Variants in NRG1 observed in about 807,000 individuals in gnomAD.
NRG1 encodes the protein neuregulin 1, also known as pro-neuregulin-1, membrane-bound isoform.
A neutral mutation model predicts 63.8 loss-of-function variants in NRG1; 18 were observed. The ratio of observed to expected loss-of-function variants is 0.28; its 90% confidence interval spans 0.19 to 0.42. NRG1 has a LOEUF of 0.42. Ranked by LOEUF, NRG1 falls within the 10% of genes least tolerant of loss-of-function variation. NRG1 has a pLI of 1.00. For missense variants in NRG1, 762 were observed against 814.7 expected, an observed-to-expected ratio of 0.94 and a Z score of 0.79; for synonymous variants, 302 against 301.3, an observed-to-expected ratio of 1.00 and a Z score of -0.02.
In NRG1 at chr8:32,541,249, T is replaced by C. The variant is rs530956084; in HGVS notation, c.38-54579T>C. 3.9e-5 allele frequency among the ~76,000 whole-genome samples: 6 copies of C among 152,126 alleles called. No individual in the cohort carries two copies. In the East Asian group the frequency reaches 1.2e-3, roughly 29 times the overall value. The stretch of plus-strand genomic sequence containing the variant: ...ATATATGAAGTATTGCACTCTAACA[T>C]GAGGAGGAACTGAAGAAAAGGGAGG... On this transcript the variant is annotated intron_variant, in intron 1 of 10. Transcript: ENST00000519301.
At chr8:31,957,258 C>A (rs887496492) in intron 1 of NRG1, among the ~76,000 whole-genome samples, 2 of 150,936 alleles carry the variant, frequency 1.3e-5, no homozygotes, top group Admixed American at 6.6e-5. Flanking sequence ...TGAAATGAGA[C>A]CTAGAAGCAA....
chr8:31,778,820 T>G (rs1586348830), intron 1 of NRG1, among the ~76,000 whole-genome samples: 1 of 152,314 alleles, frequency 6.6e-6, no homozygotes, highest in East Asian at 1.9e-4. Flanking sequence ...TCACTACCCC[T>G]AAAACAGTGC....
At chr8:32,190,302 C>A (rs1385749892) in intron 1 of NRG1, among the ~76,000 whole-genome samples, 2 of 152,006 alleles carry the variant, frequency 1.3e-5, no homozygotes, top group Non-Finnish European at 2.9e-5. Context: ...AACTGCCCAA[C>A]AGACTTCAAG....
chr8:32,466,181 G>T (rs1313466005), intron 1 of NRG1, among the ~76,000 whole-genome samples: 7 of 152,032 alleles, frequency 4.6e-5, no homozygotes, highest in African/African-American at 9.7e-5. Context: ...AAGTAAATTA[G>T]CCAGGCATAG....
At chr8:31,993,261 C>T (rs1425024013) in intron 1 of NRG1, among the ~76,000 whole-genome samples, 1 of 151,920 alleles carries the variant, frequency 6.6e-6, no homozygotes, top group Non-Finnish European at 1.5e-5. Context: ...CAGCAGAGGA[C>T]CAAAGGCATC....
At chr8:32,587,339 G>T (rs1436653165) in intron 1 of NRG1, among the ~76,000 whole-genome samples, 1 of 152,198 alleles carries the variant, frequency 6.6e-6, no homozygotes, top group African/African-American at 2.4e-5. Context: ...AACATGACCA[G>T]GGTCTCGGCT....
intron 1 of NRG1, among the ~76,000 whole-genome samples, chr8:32,577,439 A>G (rs1392819986): frequency 6.6e-6 from 1 of 152,200 alleles, no homozygotes; most frequent in East Asian, 1.9e-4. Flanking sequence ...TGCCACAGAC[A>G]TTTCTGCTGT....
intron 1 of NRG1, among the ~76,000 whole-genome samples, chr8:32,371,787 A>G (rs1808895486): frequency 6.6e-6 from 1 of 152,144 alleles, no homozygotes; most frequent in Admixed American, 6.5e-5. Context: ...AAATCAGAAC[A>G]TTAGGACCTG....
intron 1 of NRG1, among the ~76,000 whole-genome samples, chr8:32,423,059 T>C (rs953508427): frequency 1.2e-4 from 18 of 152,200 alleles, no homozygotes; most frequent in African/African-American, 3.9e-4. Flanking sequence ...AGAGAGATTG[T>C]TCTGGTCCAA....
At chr8:32,502,959 A>G (rs1828040361) in intron 1 of NRG1, among the ~76,000 whole-genome samples, 1 of 152,136 alleles carries the variant, frequency 6.6e-6, no homozygotes, top group African/African-American at 2.4e-5. Flanking sequence ...GTTTATTAAC[A>G]GATCCAAATA....
At position 32,646,749 on chromosome 8, in the gene NRG1, C is replaced by T. The variant is rs534539063; in HGVS notation, c.502+29864C>T. ...GGGGACTAGGCTTAACTGATGCCTG[C>T]CTGCCTCTCTTTGATTTGATGGCCT... On this transcript the variant is annotated intron_variant, in intron 5 of 11. Coordinates refer to ENST00000356819, the Ensembl canonical transcript of NRG1. 19 of 985,338 alleles carry T rather than the reference C, an allele frequency of 1.9e-5. No individual in the cohort carries two copies. In the South Asian group the frequency reaches 8.5e-4, roughly 44 times the overall value. 61.0% of individuals were successfully genotyped at this position (985,338 alleles called of 1,614,324 possible). A position where few individuals can be genotyped will look rare whatever the true frequency, so the allele number is the denominator to read the frequency against.
intron 1 of NRG1, among the ~76,000 whole-genome samples, chr8:31,898,415 A>C (rs951135458): frequency 5.3e-5 from 8 of 152,208 alleles, no homozygotes; most frequent in Non-Finnish European, 1.2e-4. Flanking sequence ...TGTTTTAAAG[A>C]TAGAGAAACT....
At chr8:31,948,921 A>G (rs1238066294) in intron 1 of NRG1, among the ~76,000 whole-genome samples, 1 of 152,200 alleles carries the variant, frequency 6.6e-6, no homozygotes, top group African/African-American at 2.4e-5. Flanking sequence ...TCTTCTGGCT[A>G]TTAGAATGCG....
intron 1 of NRG1, among the ~76,000 whole-genome samples, chr8:32,247,026 A>T (rs1848649178): frequency 6.6e-6 from 1 of 152,138 alleles, no homozygotes; most frequent in African/African-American, 2.4e-5. Flanking sequence ...CAATTTAATT[A>T]TTCCACATGG....
At chr8:32,027,991 T>A (rs985042931) in intron 1 of NRG1, among the ~76,000 whole-genome samples, 1 of 152,234 alleles carries the variant, frequency 6.6e-6, no homozygotes, top group Non-Finnish European at 1.5e-5. Context: ...AAAGTTTCAT[T>A]TATTTTTCCC....
At chr8:32,252,197 T>C (rs374700257) in intron 1 of NRG1, among the ~76,000 whole-genome samples, 9 of 152,338 alleles carry the variant, frequency 5.9e-5, no homozygotes, top group South Asian at 4.1e-4. Context: ...CTCTTTAGTT[T>C]AATTAGATCC....
At chr8:32,737,312 G>A (rs1362328220) in intron 6 of NRG1, among the ~76,000 whole-genome samples, 1 of 152,098 alleles carries the variant, frequency 6.6e-6, no homozygotes, top group Non-Finnish European at 1.5e-5. Flanking sequence ...CACTTTGCGA[G>A]GCCAAGGCGG....
At chr8:31,941,311 A>G (rs1376825250) in intron 1 of NRG1, among the ~76,000 whole-genome samples, 1 of 152,168 alleles carries the variant, frequency 6.6e-6, no homozygotes, top group African/African-American at 2.4e-5. Flanking sequence ...TGATTGTCTC[A>G]ATAGACACAG....
At chr8:31,905,633 G>A (rs1343821085) in intron 1 of NRG1, among the ~76,000 whole-genome samples, 1 of 152,072 alleles carries the variant, frequency 6.6e-6, no homozygotes, top group East Asian at 1.9e-4. Context: ...GGAAAAAACT[G>A]GTTTATTTGT....
Sources: gnomAD v4.1 joint callset for allele counts (sites outside exome capture counted in the v4.1 genomes callset) on GRCh38, gnomAD v4.1.1 for gene constraint, MANE v1.5 for transcripts, NCBI Gene and HGNC (gene_info 2026-07-23, HGNC 2026-07-21) for gene names.